The following PDLIM5 variants were observed in gnomAD, a reference collection of about 807,000 sequenced individuals.
The protein encoded by PDLIM5 is PDZ and LIM domain 5, also known as PDZ and LIM domain protein 5.
PDLIM5 carries 34 observed loss-of-function variants against 64.2 expected under a neutral mutation model. The ratio of observed to expected loss-of-function variants is 0.53; its 90% confidence interval spans 0.40 to 0.71. PDLIM5 has a LOEUF of 0.71. Ranked by LOEUF, PDLIM5 falls within the 30% of genes least tolerant of loss-of-function variation. PDLIM5 has a pLI of 0.00. For synonymous variants in PDLIM5, 253 were observed against 269.1 expected, an observed-to-expected ratio of 0.94 and a Z score of 0.59; for missense variants, 683 against 733.6, an observed-to-expected ratio of 0.93 and a Z score of 0.80.
At chr4:94,646,049 C>G (rs759409351) in intron 9 of PDLIM5, among the ~76,000 whole-genome samples, 1 of 152,196 alleles carries the variant, frequency 6.6e-6, no homozygotes, top group African/African-American at 2.4e-5. Flanking sequence ...AGTTTCTCAT[C>G]TAATGCAGGA....
At chr4:94,648,413 A>C (rs894869859) in intron 9 of PDLIM5, among the ~76,000 whole-genome samples, 1 of 152,132 alleles carries the variant, frequency 6.6e-6, no homozygotes, top group Admixed American at 6.5e-5. Flanking sequence ...TCCACCTCCC[A>C]GGTTCAAGGG....
chr4:94,507,116 C>T (rs1394156719), intron 2 of PDLIM5, among the ~76,000 whole-genome samples: 6 of 152,076 alleles, frequency 3.9e-5, no homozygotes, highest in South Asian at 2.1e-4. Flanking sequence ...TTTTGAACTC[C>T]GACTGAGCCA....
intron 3 of PDLIM5, among the ~76,000 whole-genome samples, chr4:94,542,538 A>C (rs115832307): frequency 8.2e-4 from 125 of 152,236 alleles, no homozygotes; most frequent in African/African-American, 2.8e-3. Flanking sequence ...GGAGGTTTGG[A>C]TCTCTTCCTA....
At chr4:94,504,225 A>T (rs1173704015) in intron 2 of PDLIM5, among the ~76,000 whole-genome samples, 1 of 152,164 alleles carries the variant, frequency 6.6e-6, no homozygotes, top group Non-Finnish European at 1.5e-5. Context: ...AGCAAAAAAA[A>T]GTTTGTGATC....
chr4:94,461,446 T>C (rs1723872094), intron 2 of PDLIM5, among the ~76,000 whole-genome samples: 1 of 152,190 alleles, frequency 6.6e-6, no homozygotes, highest in South Asian at 2.1e-4. Flanking sequence ...TATAGTCTTG[T>C]TGAGAAGGCA....
chr4:94,471,667 T>C (rs1157142187), intron 2 of PDLIM5, among the ~76,000 whole-genome samples: 4 of 152,164 alleles, frequency 2.6e-5, no homozygotes, highest in Admixed American at 6.5e-5. Flanking sequence ...CCAGCTGTAA[T>C]TTACCACTGG....
chr4:94,550,304 G>A (rs1280352078), intron 3 of PDLIM5, among the ~76,000 whole-genome samples: 2 of 152,040 alleles, frequency 1.3e-5, no homozygotes, highest in African/African-American at 2.4e-5. Flanking sequence ...GGACATTTCT[G>A]AAAGATTTAT....
chr4:94,487,590 T>C (rs753110993), intron 2 of PDLIM5, among the ~76,000 whole-genome samples: 9 of 152,182 alleles, frequency 5.9e-5, no homozygotes, highest in Non-Finnish European at 1.0e-4. Context: ...ATCCGAAAAG[T>C]CGCTGTGTTT....
chr4:94,463,596 A>T lies in PDLIM5; in HGVS notation c.96+8212A>T, dbSNP rs188800521. Among the ~76,000 whole-genome samples, 251 of 152,244 alleles carry T rather than the reference A, an allele frequency of 1.6e-3. 1 individual carries two copies. Among genetic ancestry groups the T allele is most frequent in the African/African-American group, 5.9e-3 (244 of 41,540 alleles). On this transcript the variant is annotated intron_variant, in intron 2 of 12. Coordinates refer to ENST00000317968, the MANE Select transcript of PDLIM5 (RefSeq NM_006457.5). ...TGGTCTTGCTGTCTCAGGGTGTGCC[A>T]GGTAGGTTAGGTGGAGGTGGAAGGG...
chr4:94,482,489 A>G (rs776070829), intron 2 of PDLIM5, among the ~76,000 whole-genome samples: 2 of 152,186 alleles, frequency 1.3e-5, no homozygotes, highest in Admixed American at 6.6e-5. Flanking sequence ...TTTTGGGAGA[A>G]TGAAATGACT....
chr4:94,519,403 C>A (rs912323383), intron 2 of PDLIM5, among the ~76,000 whole-genome samples: 2 of 152,142 alleles, frequency 1.3e-5, no homozygotes, highest in African/African-American at 4.8e-5. Flanking sequence ...GAATTATAGT[C>A]CTCATTTTCA....
chr4:94,560,724 GTTTGT>G lies in PDLIM5; in HGVS notation c.249-12607_249-12603del, dbSNP rs752353983. Among the ~76,000 whole-genome samples, 24 of 152,136 alleles carry G rather than the reference GTTTGT, an allele frequency of 1.6e-4. No individual in the cohort carries two copies. The South Asian group carries it at 3.7e-3, about 24-fold the overall frequency. On this transcript the variant is annotated intron_variant, in intron 3 of 12. Transcript: ENST00000317968. The stretch of plus-strand genomic sequence containing the variant: ...AAATTAACCAGGCTAAGACTTAGAT[GTTTGT>G]TTTGTTTTGTTTTGTTTTGAGACGA...
At chr4:94,598,732 T>C (rs569836042) in intron 7 of PDLIM5, among the ~76,000 whole-genome samples, 46 of 152,224 alleles carry the variant, frequency 3.0e-4, no homozygotes, top group African/African-American at 8.2e-4. Context: ...AATACAGTTT[T>C]AGGTTATGAT....
chr4:94,554,771 A>G (rs1263779880), intron 3 of PDLIM5, among the ~76,000 whole-genome samples: 1 of 1,050 alleles, frequency 9.5e-4, no homozygotes, highest in Non-Finnish European at 2.5e-3. Flanking sequence ...TGGTATCTGC[A>G]ATGTGTGTAC....
At chr4:94,655,485 A>C (rs1446707217) in intron 10 of PDLIM5, among the ~76,000 whole-genome samples, 2 of 152,188 alleles carry the variant, frequency 1.3e-5, no homozygotes, top group Non-Finnish European at 2.9e-5. Context: ...GGTAGTATGA[A>C]TTATTGAGTA....
intron 3 of PDLIM5, among the ~76,000 whole-genome samples, chr4:94,539,585 A>G (rs1313536996): frequency 6.6e-6 from 1 of 152,250 alleles, no homozygotes; most frequent in Admixed American, 6.5e-5. Flanking sequence ...AAAGAAACAG[A>G]CATATAAAGT....
chr4:94,527,159 C>T (rs1298412171), intron 3 of PDLIM5, among the ~76,000 whole-genome samples: 1 of 142,678 alleles, frequency 7.0e-6, no homozygotes, highest in African/African-American at 2.6e-5. Flanking sequence ...CAGGTTCAAG[C>T]AATTCTCCTG....
intron 2 of PDLIM5, among the ~76,000 whole-genome samples, chr4:94,500,979 G>A (rs1218142200): frequency 2.6e-5 from 4 of 151,670 alleles, no homozygotes; most frequent in East Asian, 1.9e-4. Flanking sequence ...ACAGGGTTTC[G>A]CCATGTTGGC....
chr4:94,608,764 C>G (rs1738131015), intron 7 of PDLIM5, among the ~76,000 whole-genome samples: 1 of 152,136 alleles, frequency 6.6e-6, no homozygotes, highest in African/African-American at 2.4e-5. Context: ...ACCATTGTCT[C>G]AGAGATGCAG....
Sources: allele counts gnomAD v4.1 joint callset (sites outside exome capture counted in the v4.1 genomes callset), GRCh38; gene constraint gnomAD v4.1.1; transcripts MANE v1.5; gene names NCBI Gene and HGNC (gene_info 2026-07-23, HGNC 2026-07-21).